The following USP16 variants were observed in gnomAD, a reference collection of about 807,000 sequenced individuals.
USP16 encodes ubiquitin carboxyl-terminal hydrolase 16.
In USP16, 77 loss-of-function variants were observed where a neutral mutation model predicts 95.9. That is an observed-to-expected ratio of 0.80 (90% CI 0.67 to 0.97). The LOEUF (loss-of-function observed/expected upper bound fraction) is 0.97. Among genes scored for constraint, USP16 ranks in the 50% least tolerant of loss-of-function variants. USP16 has a pLI of 0.00. For missense variants in USP16, 943 were observed against 959.9 expected (o/e 0.98, Z 0.23); for synonymous variants, 303 against 318.2 (o/e 0.95, Z 0.51).
intron 5 of USP16, among the ~76,000 whole-genome samples, 157 bp from the exon 6 acceptor site, chr21:29,037,119 G>A (rs2085169474): frequency 6.6e-6 from 1 of 151,878 alleles, no homozygotes; most frequent in Non-Finnish European, 1.5e-5. Flanking sequence ...TTTTCTGGAT[G>A]GCAATTTACC....
chr21:29,037,866 G>A (rs1021818584), intron 6 of USP16, among the ~76,000 whole-genome samples: 2 of 112,088 alleles, frequency 1.8e-5, no homozygotes, highest in Non-Finnish European at 4.3e-5. Flanking sequence ...GATTACAGGC[G>A]TGAGCCACCA....
intron 14 of USP16, 62 bp downstream of exon 14, chr21:29,047,383 G>A: frequency 6.7e-7 from 1 of 1,492,374 alleles, no homozygotes; most frequent in Non-Finnish European, 9.0e-7. Flanking sequence ...GCACTGCATA[G>A]GTAGAGTACT....
At chr21:29,051,816 C>T (rs1245191352) in intron 16 of USP16, among the ~76,000 whole-genome samples, 2 of 145,210 alleles carry the variant, frequency 1.4e-5, no homozygotes, top group Non-Finnish European at 3.0e-5. Flanking sequence ...GGTGACAGAG[C>T]AAGAAACTCC....
intron 8 of USP16, 116 bp downstream of exon 8, chr21:29,039,272 A>G (rs2085208695): frequency 6.0e-6 from 7 of 1,170,608 alleles, no homozygotes; most frequent in African/African-American, 1.6e-5. Context: ...TCAACCCTCT[A>G]TATACAAAAG....
In USP16 at chr21:29,038,239, A is replaced by G; in HGVS notation, c.637-96A>G. 3 of 765,604 alleles carry G rather than the reference A, an allele frequency of 3.9e-6. No individual in the cohort carries two copies. In the South Asian group the frequency reaches 5.7e-5, roughly 15 times the overall value. The allele number at this position is 765,604 out of a possible 1,614,324, so 47.4% of individuals were successfully genotyped here. On this transcript the variant is annotated intron_variant, in intron 6 of 17. Transcript: ENST00000399976. ...AAGTATAGAGTTTTCAGTGTTGGTC[A>G]TGATTTTCTGTTTTGATAGAATAGA...
At position 29,038,418 on chromosome 21, in the gene USP16, T is replaced by C; in HGVS notation, c.720T>C (p.Asp240=). The change falls in exon 7 of 18, where the codon GAT becomes GAC. Residue 240 remains aspartate, a synonymous_variant. Transcript: ENST00000399976. ...CAATTGTAAAAATTGAACCACCTGA[T>C]TTGGCATTAACAGTATGTTCTTTAA... is the stretch of plus-strand genomic sequence containing the variant. ...SGTIVKIEPP[D]LALTEPLEIN... is the part of the protein sequence containing the mutation. The C allele has an allele frequency of 6.2e-7, 1 of 1,611,838 alleles. No individual in the cohort carries two copies. Among genetic ancestry groups the C allele is most frequent in the Non-Finnish European group, 8.5e-7 (1 of 1,178,304 alleles).
chr21:29,043,704 A>G (rs754649290), intron 13 of USP16, 105 bp downstream of exon 13: 13 of 1,052,058 alleles, frequency 1.2e-5, no homozygotes, highest in Non-Finnish European at 1.6e-5. Flanking sequence ...TTTTAGATAC[A>G]GCACTTTCAT....
chr21:29,040,025 A>G (rs894365939), intron 9 of USP16, among the ~76,000 whole-genome samples: 16 of 152,330 alleles, frequency 1.1e-4, no homozygotes, highest in African/African-American at 3.4e-4. Context: ...AAAAAAATGT[A>G]TTTGGGGTAT....
Position 29,038,362 on chromosome 21 carries a change from G to A in USP16, c.664G>A (p.Glu222Lys), listed in dbSNP as rs149141484. The A allele has an allele frequency of 3.7e-6, 6 of 1,612,320 alleles. No individual in the cohort carries two copies. Among genetic ancestry groups the A allele is most frequent in the Non-Finnish European group, 5.1e-6 (6 of 1,179,008 alleles). ...CTTGTCACAAACACCAGTGCTTAGA[G>A]AACTACTAAAAGAAGTGAAAATGTC... ...QNLSQTPVLR[E>K]LLKEVKMSGT... The change falls in exon 7 of 18, where the codon GAA becomes AAA. Residue 222 changes from glutamate (E) to lysine (K), a missense_variant. Physicochemically the swap from Glu to Lys is moderately conservative, Grantham distance 56. Coordinates refer to ENST00000399976, the MANE Select transcript of USP16 (RefSeq NM_006447.3).
chr21:29,024,822 T>C, intron 1 of USP16, 45 bp downstream of exon 1: 1 of 1,252,332 alleles, frequency 8.0e-7, no homozygotes, highest in Non-Finnish European at 1.0e-6. Flanking sequence ...TCGCCTGGCT[T>C]TCTGCGCTGG....
intron 10 of USP16, among the ~76,000 whole-genome samples, chr21:29,041,701 G>A (rs1027298595): frequency 6.6e-6 from 1 of 152,002 alleles, no homozygotes; most frequent in African/African-American, 2.4e-5. Flanking sequence ...TATACTAATG[G>A]AGAGAGAGAG....
intron 13 of USP16, among the ~76,000 whole-genome samples, chr21:29,044,026 AG>A: frequency 6.6e-6 from 1 of 151,914 alleles, no homozygotes; most frequent in Admixed American, 6.5e-5. Flanking sequence ...TCCATCTCCT[AG>A]GTTCAAGCAA....
intron 11 of USP16, 99 bp downstream of exon 11, chr21:29,042,203 T>A (rs1288300602): frequency 3.6e-6 from 4 of 1,101,256 alleles, no homozygotes; most frequent in Admixed American, 2.5e-5. Context: ...ATAGGATATC[T>A]TTTTAAACTA....
chr21:29,030,181 C>A (rs2085056726), intron 2 of USP16, among the ~76,000 whole-genome samples: 1 of 151,956 alleles, frequency 6.6e-6, no homozygotes, highest in Non-Finnish European at 1.5e-5. Flanking sequence ...GTGACTTGGT[C>A]AATTTTGGGC....
chr21:29,029,974 C>G (rs532841961), intron 2 of USP16, among the ~76,000 whole-genome samples: 1 of 152,092 alleles, frequency 6.6e-6, no homozygotes, highest in Non-Finnish European at 1.5e-5. Context: ...GTTCATAGGA[C>G]ATATTTAATT....
intron 4 of USP16, 70 bp from the exon 5 acceptor site, chr21:29,036,201 G>A: frequency 7.7e-7 from 1 of 1,296,656 alleles, no homozygotes; most frequent in Non-Finnish European, 1.1e-6. Flanking sequence ...TTGATTCCAG[G>A]AATTATTATT....
chr21:29,034,139 T>G (rs1314841923), intron 3 of USP16, among the ~76,000 whole-genome samples: 1 of 152,084 alleles, frequency 6.6e-6, no homozygotes, highest in East Asian at 1.9e-4. Context: ...GAGCTTTGTT[T>G]TAGGAACACT....
chr21:29,034,901 C>G lies in USP16; in HGVS notation c.305C>G (p.Pro102Arg). Residue 102 changes from proline to arginine, a missense_variant, in exon 4 of 18, where the codon CCT (proline) becomes CGT (arginine). Transcript: ENST00000399976. ...CACTATCTGACGCCAAGATCTGAAC[C>G]TCACTGTCTGGTTCTTAGTTTGGAC... is the stretch of plus-strand genomic sequence containing the variant. ...LKHYLTPRSE[P>R]HCLVLSLDNW... The G allele has an allele frequency of 6.2e-7, 1 of 1,614,122 alleles. No homozygotes were observed. Among genetic ancestry groups the G allele is most frequent in the Non-Finnish European group, 8.5e-7 (1 of 1,179,984 alleles).
At chr21:29,028,120 CTACT>C in intron 2 of USP16, 146 bp downstream of exon 2, 3 of 567,878 alleles carry the variant, frequency 5.3e-6, no homozygotes, top group African/African-American at 4.0e-5. Flanking sequence ...TAATAGTCTT[CTACT>C]TTTTTTTTTT....
Sources: allele counts gnomAD v4.1 joint callset (sites outside exome capture counted in the v4.1 genomes callset), GRCh38; gene constraint gnomAD v4.1.1; transcripts MANE v1.5; gene names NCBI Gene and HGNC (gene_info 2026-07-23, HGNC 2026-07-21).